The following DLGAP4 variants were observed in gnomAD, a reference collection of about 807,000 sequenced individuals.
DLGAP4 encodes disks large-associated protein 4.
A neutral mutation model predicts 86.9 loss-of-function variants in DLGAP4; 18 were observed. The ratio of observed to expected loss-of-function variants is 0.21; its 90% CI spans 0.14 to 0.31. The LOEUF is 0.31. Among genes scored for constraint, DLGAP4 ranks in the 10% least tolerant of loss-of-function variants. The pLI is 1.00. For missense variants in DLGAP4, 1,085 were observed against 1,362.6 expected (o/e 0.80, Z 3.21); for synonymous variants, 548 against 574.3 (o/e 0.95, Z 0.65).
At chr20:36,466,479 A>G (rs2034357740) in intron 7 of DLGAP4, among the ~76,000 whole-genome samples, 1 of 152,126 alleles carries the variant, frequency 6.6e-6, no homozygotes, top group African/African-American at 2.4e-5. Context: ...GGAATTGAAC[A>G]CCTGAGCAGG....
intron 1 of DLGAP4, among the ~76,000 whole-genome samples, chr20:36,358,943 T>G (rs1466073440): frequency 6.6e-6 from 1 of 152,198 alleles, no homozygotes; most frequent in African/African-American, 2.4e-5. Context: ...TTAAAAAATA[T>G]GAGCATGCCA....
chr20:36,525,731 G>A lies in DLGAP4; in HGVS notation c.2605-120G>A, dbSNP rs1346621699. 4 of 1,334,426 alleles carry A rather than the reference G, an allele frequency of 3.0e-6. No individual in the cohort carries two copies. The East Asian group carries it at 6.9e-5, about 23-fold the overall frequency. The allele number at this position is 1,334,426 out of a possible 1,614,324, so 82.7% of individuals were successfully genotyped here. On this transcript the variant is annotated intron_variant, in intron 11 of 12. Coordinates refer to ENST00000339266, the MANE Select transcript of DLGAP4 (RefSeq NM_001365621.2). ...CATACAGATACTTACCCAGACACTA[G>A]GCCTCAAGAGCCCCCGCGGGTGCTG...
chr20:36,438,651 C>T (rs1242207944), intron 4 of DLGAP4, among the ~76,000 whole-genome samples: 1 of 150,952 alleles, frequency 6.6e-6, no homozygotes, highest in Non-Finnish European at 1.5e-5. Flanking sequence ...TTTGGCCTCC[C>T]AAAGTGCTGG....
chr20:36,523,416 A>ATACTT (rs1404751682), intron 10 of DLGAP4, among the ~76,000 whole-genome samples: 1 of 152,212 alleles, frequency 6.6e-6, no homozygotes, highest in South Asian at 2.1e-4. Flanking sequence ...CTATTTGCTT[A>ATACTT]TACTTTAAGA....
chr20:36,425,971 G>A (rs1338040151), intron 2 of DLGAP4, among the ~76,000 whole-genome samples: 1 of 152,110 alleles, frequency 6.6e-6, no homozygotes, highest in Non-Finnish European at 1.5e-5. Flanking sequence ...ATAGCCAAAA[G>A]GTAGAAACAA....
rs2065007736 is a variant in DLGAP4 at position 36,306,869 on chromosome 20, C to T, written c.-304+357C>T. ...CCCCGTACCCCATATCAAGCGGCTGCCAAAGCCTGGAAGCCCCCTCCTCAG... is the reference window on the plus strand; with the variant it reads ...CCCCGTACCCCATATCAAGCGGCTGTCAAAGCCTGGAAGCCCCCTCCTCAG... On this transcript the variant is annotated intron_variant, in intron 1 of 12. Transcript: ENST00000339266. The surrounding 1 kb of genome is among the most constrained non-coding windows in gnomAD (Gnocchi z 4.9). Among the ~76,000 whole-genome samples, 2 of 152,314 alleles carry T rather than the reference C, an allele frequency of 1.3e-5. No homozygotes were observed. The highest frequency in any genetic ancestry group is 6.8e-3 in the Middle Eastern group (2 of 294).
At chr20:36,456,231 C>A (rs1487584621) in intron 7 of DLGAP4, among the ~76,000 whole-genome samples, 1 of 152,216 alleles carries the variant, frequency 6.6e-6, no homozygotes, top group Non-Finnish European at 1.5e-5. Flanking sequence ...CTATCAAGGT[C>A]AAAGTCAGCC....
intron 2 of DLGAP4, among the ~76,000 whole-genome samples, chr20:36,385,046 G>A (rs1321283468): frequency 6.6e-6 from 1 of 152,174 alleles, no homozygotes; most frequent in East Asian, 1.9e-4. Flanking sequence ...GTCCAGCCCA[G>A]AGAAGGGGTG....
chr20:36,403,710 TCA>T (rs1380088827), intron 2 of DLGAP4, among the ~76,000 whole-genome samples: 1 of 152,256 alleles, frequency 6.6e-6, no homozygotes, highest in Non-Finnish European at 1.5e-5. Context: ...ACACATGTTA[TCA>T]CACAGTTTCT....
intron 7 of DLGAP4, among the ~76,000 whole-genome samples, chr20:36,469,002 G>A (rs2034539484): frequency 1.3e-5 from 2 of 152,142 alleles, no homozygotes; most frequent in African/African-American, 4.8e-5. Context: ...GTTTTGATTT[G>A]CAGAGCACTT....
At position 36,393,345 on chromosome 20, in the gene DLGAP4, G is replaced by C. The variant is rs1167324320; in HGVS notation, c.-73+26070G>C. On this transcript the variant is annotated intron_variant, in intron 2 of 12. Coordinates refer to ENST00000339266, the MANE Select transcript of DLGAP4 (RefSeq NM_001365621.2). The surrounding 1 kb of genome is among the most constrained non-coding windows in gnomAD (Gnocchi z 4.4). ...AGAACCCCAAGCTCTACACTCCCTC[G>C]CTGTGTGGCCTAGGGTCTCCTCTTT... Among the ~76,000 whole-genome samples the C allele has an allele frequency of 6.6e-6, 1 of 152,074 alleles. No individual in the cohort carries two copies. The highest frequency in any genetic ancestry group is 1.5e-5 in the Non-Finnish European group (1 of 67,990).
intron 7 of DLGAP4, among the ~76,000 whole-genome samples, chr20:36,485,971 C>A (rs2035393251): frequency 1.3e-5 from 2 of 152,170 alleles, no homozygotes; most frequent in South Asian, 4.1e-4. Context: ...GCTCTACCTC[C>A]CACCAGACTG....
intron 1 of DLGAP4, among the ~76,000 whole-genome samples, chr20:36,344,361 C>A (rs2147378920): frequency 6.6e-6 from 1 of 152,258 alleles, no homozygotes; most frequent in Non-Finnish European, 1.5e-5. Context: ...CAGCAAGCAC[C>A]CAAGCAAAGT....
intron 1 of DLGAP4, among the ~76,000 whole-genome samples, chr20:36,332,374 T>C (rs1490462262): frequency 6.6e-6 from 1 of 152,050 alleles, no homozygotes; most frequent in Non-Finnish European, 1.5e-5. Context: ...TTTTTGTTTT[T>C]TTTGTTTTGT....
At chr20:36,325,399 T>G (rs573966678) in intron 1 of DLGAP4, among the ~76,000 whole-genome samples, 1 of 152,338 alleles carries the variant, frequency 6.6e-6, no homozygotes, top group African/African-American at 2.4e-5. Flanking sequence ...TTGGTAAATG[T>G]TCCATGAAAA....
chr20:36,467,017 C>CCTCTCTCTCTCTCTCTCTCT (rs55778929), intron 7 of DLGAP4, among the ~76,000 whole-genome samples: 1 of 50,360 alleles, frequency 2.0e-5, no homozygotes, highest in Non-Finnish European at 3.2e-5. Flanking sequence ...CTCTCTCTCT[C>CCTCTCTCTCTCTCTCTCTCT]CTCTCTCTCT....
chr20:36,472,520 A>T (rs969987828), intron 7 of DLGAP4, among the ~76,000 whole-genome samples: 1 of 151,634 alleles, frequency 6.6e-6, no homozygotes. Context: ...AAAAAAAAAA[A>T]AATCACTAGC....
intron 1 of DLGAP4, among the ~76,000 whole-genome samples, chr20:36,330,716 G>A (rs2065259043): frequency 6.6e-6 from 1 of 151,930 alleles, no homozygotes; most frequent in African/African-American, 2.4e-5. Context: ...GGGACTATAG[G>A]CGCCCGCCAC....
intron 1 of DLGAP4, among the ~76,000 whole-genome samples, chr20:36,332,088 C>A (rs1442841017): frequency 1.3e-5 from 2 of 152,060 alleles, no homozygotes; most frequent in African/African-American, 4.8e-5. Context: ...AAGCTTGGAG[C>A]TGGGAGGTGA....
Sources: gnomAD v4.1 joint callset for allele counts (sites outside exome capture counted in the v4.1 genomes callset) on GRCh38, gnomAD v4.1.1 for gene constraint, Gnocchi (gnomAD v3.1) non-coding constraint, MANE v1.5 for transcripts, NCBI Gene and HGNC (gene_info 2026-07-23, HGNC 2026-07-21) for gene names.